The following CIST1 variants were observed in gnomAD, a reference collection of about 807,000 sequenced individuals.
CIST1 encodes uncharacterized LOC729966.
chr19:18,252,080 C>T, the CIST1 span: 1 of 398,916 alleles, frequency 2.5e-6, no homozygotes, highest in Non-Finnish European at 4.4e-6. Context: ...CAGGGGGCTC[C>T]AAGGTCTGGT....
chr19:18,254,760 T>A, the CIST1 span, among the ~76,000 whole-genome samples: 1 of 152,140 alleles, frequency 6.6e-6, no homozygotes, highest in African/African-American at 2.4e-5. Flanking sequence ...CCCTCCACCC[T>A]AGGCACTGTC....
chr19:18,254,409 G>T, the CIST1 span, among the ~76,000 whole-genome samples: 1 of 152,188 alleles, frequency 6.6e-6, no homozygotes, highest in South Asian at 2.1e-4. Flanking sequence ...GCTGCTGAAG[G>T]GTTGACCAGA....
chr19:18,255,021 G>C, the CIST1 span, among the ~76,000 whole-genome samples: 1 of 152,222 alleles, frequency 6.6e-6, no homozygotes, highest in South Asian at 2.1e-4. This position sits in a 1 kb window ranked among gnomAD's most constrained non-coding sequence, Gnocchi z 4.6. Flanking sequence ...ACAGCCCCAG[G>C]GCTTGGGAGC....
At chr19:18,250,545 G>A in the CIST1 span, 1 of 372,842 alleles carries the variant, frequency 2.7e-6, no homozygotes, top group Non-Finnish European at 4.6e-6. Flanking sequence ...AGGGCCCAGA[G>A]CCTTTTAAAA....
At chr19:18,250,367 A>T in the CIST1 span, 5 of 398,698 alleles carry the variant, frequency 1.3e-5, no homozygotes, top group Non-Finnish European at 2.2e-5. Flanking sequence ...ACAGAATCTC[A>T]CAGCCATGAC....
chr19:18,250,622 T>G, the CIST1 span: 22 of 395,526 alleles, frequency 5.6e-5, no homozygotes, highest in Non-Finnish European at 5.8e-5. Flanking sequence ...ATCATGTATT[T>G]TAGAGACAGG....
chr19:18,250,820 C>T, the CIST1 span, among the ~76,000 whole-genome samples: 4 of 149,904 alleles, frequency 2.7e-5, no homozygotes, highest in Non-Finnish European at 3.0e-5. Context: ...GTCACACAGG[C>T]TGGAGTGCAG....
At chr19:18,252,284 C>T in the CIST1 span, 7 of 398,924 alleles carry the variant, frequency 1.8e-5, no homozygotes, top group African/African-American at 6.2e-5. Flanking sequence ...AGCTGGGGCT[C>T]GGCTGGATGG....
the CIST1 span, chr19:18,255,083 C>G: frequency 1 from 392,617 of 393,264 alleles, 195,989 homozygotes; most frequent in East Asian, 1. This position sits in a 1 kb window ranked among gnomAD's most constrained non-coding sequence, Gnocchi z 4.6. Flanking sequence ...TGGGGGAAAA[C>G]CCAGCCTTCC....
the CIST1 span, chr19:18,252,565 G>T: frequency 2.5e-6 from 1 of 397,950 alleles, no homozygotes; most frequent in South Asian, 1.4e-4. Flanking sequence ...AGGAATTAGA[G>T]ACCAGCCTGG....
the CIST1 span, among the ~76,000 whole-genome samples, chr19:18,253,563 A>AC: frequency 0.5 from 70,844 of 141,614 alleles, 17,962 homozygotes; most frequent in East Asian, 0.66. Flanking sequence ...AAAAAAAAAA[A>AC]ACACACACAC....
At chr19:18,255,382 G>T in the CIST1 span, 1 of 396,072 alleles carries the variant, frequency 2.5e-6, no homozygotes, top group Non-Finnish European at 4.4e-6. This position sits in a 1 kb window ranked among gnomAD's most constrained non-coding sequence, Gnocchi z 4.6. Context: ...CCAGCTCCTT[G>T]CACCTGCGTG....
the CIST1 span, chr19:18,252,258 A>C: frequency 2.5e-6 from 1 of 399,106 alleles, no homozygotes; most frequent in Non-Finnish European, 4.4e-6. Flanking sequence ...GGAGGGTATC[A>C]TCCTTGAATC....
the CIST1 span, chr19:18,250,141 G>A: frequency 2.1e-4 from 85 of 398,712 alleles, no homozygotes; most frequent in South Asian, 0.01. Context: ...CACTCCTGGA[G>A]GTGGTGGGCA....
chr19:18,251,676 A>ACCCCCCCCCC, the CIST1 span, among the ~76,000 whole-genome samples: 7 of 23,566 alleles, frequency 3.0e-4, no homozygotes, highest in African/African-American at 6.8e-4. Flanking sequence ...CTCGTGATAC[A>ACCCCCCCCCC]CGCCCCCCCC....
At chr19:18,253,633 G>C in the CIST1 span, among the ~76,000 whole-genome samples, 4 of 151,816 alleles carry the variant, frequency 2.6e-5, no homozygotes, top group Non-Finnish European at 5.9e-5. Flanking sequence ...ATCCACCTAT[G>C]AGCTCAGAGA....
the CIST1 span, among the ~76,000 whole-genome samples, chr19:18,251,298 G>T: frequency 2.8e-5 from 4 of 145,326 alleles, no homozygotes; most frequent in Non-Finnish European, 6.0e-5. Flanking sequence ...GCTATTTTTT[G>T]TATTTTTAGT....
At chr19:18,250,535 A>C in the CIST1 span, 1 of 378,160 alleles carries the variant, frequency 2.6e-6, no homozygotes, top group Non-Finnish European at 4.5e-6. Flanking sequence ...GACACCCACC[A>C]GGGCCCAGAG....
At chr19:18,251,135 T>TC in the CIST1 span, among the ~76,000 whole-genome samples, 2 of 151,594 alleles carry the variant, frequency 1.3e-5, no homozygotes, top group South Asian at 2.1e-4. Context: ...AGTCTTTTTT[T>TC]TCCCCCCCGA....
Sources: gnomAD v4.1 joint callset for allele counts (sites outside exome capture counted in the v4.1 genomes callset) on GRCh38, gnomAD v4.1.1 for gene constraint, Gnocchi (gnomAD v3.1) non-coding constraint, MANE v1.5 for transcripts, NCBI Gene and HGNC (gene_info 2026-07-23, HGNC 2026-07-21) for gene names.